The following LUZP1 variants were observed in gnomAD, a reference collection of about 807,000 sequenced individuals.
LUZP1 encodes the protein leucine zipper protein 1.
LUZP1 carries 25 observed loss-of-function variants against 71.3 expected under a neutral mutation model. The observed-to-expected ratio is 0.35, with a 90% CI of 0.26 to 0.49. The LOEUF (loss-of-function observed/expected upper bound fraction) is 0.49. Ranked by LOEUF, LUZP1 falls within the 20% of genes least tolerant of loss-of-function variation. The pLI is 0.99. For missense variants in LUZP1, 1,142 were observed against 1,300.8 expected (o/e 0.88, Z 1.88); for synonymous variants, 481 against 506.4 (o/e 0.95, Z 0.67).
At chr1:23,099,941 G>A (rs554122471) in intron 3 of LUZP1, among the ~76,000 whole-genome samples, 18 of 152,140 alleles carry the variant, frequency 1.2e-4, no homozygotes, top group Admixed American at 1.2e-3. Flanking sequence ...CTTCCCTCTG[G>A]TCCCTCACTA....
intron 2 of LUZP1, among the ~76,000 whole-genome samples, chr1:23,154,536 CTTCTTT>C (rs1644407343): frequency 6.7e-6 from 1 of 148,796 alleles, no homozygotes; most frequent in African/African-American, 2.5e-5. Context: ...AAGACCCTGT[CTTCTTT>C]TTCTTTTCTT....
intron 2 of LUZP1, among the ~76,000 whole-genome samples, chr1:23,151,919 T>A (rs568529476): frequency 6.6e-6 from 1 of 151,554 alleles, no homozygotes; most frequent in South Asian, 2.1e-4. Context: ...GGAGAATCGC[T>A]TGAACCCAGG....
intron 3 of LUZP1, among the ~76,000 whole-genome samples, chr1:23,099,677 A>G (rs547349117): frequency 6.6e-6 from 1 of 152,328 alleles, no homozygotes; most frequent in Admixed American, 6.5e-5. Flanking sequence ...TTTTAGTGCC[A>G]ATTTTATATG....
intron 1 of LUZP1, among the ~76,000 whole-genome samples, chr1:23,175,877 G>A (rs1267747549): frequency 2.0e-5 from 3 of 152,156 alleles, no homozygotes; most frequent in Non-Finnish European, 4.4e-5. Context: ...AGGAGCCAGA[G>A]AAGGCTTCCT....
chr1:23,091,182 G>C lies in LUZP1; in HGVS notation c.3072+8C>G, dbSNP rs375008675. 8.8e-6 allele frequency: 14 copies of C among 1,593,942 alleles called. No homozygotes were observed. The highest frequency in any genetic ancestry group is 1.2e-5 in the Non-Finnish European group (14 of 1,170,234). ...GAAAAGAGAGAGGGGAGAGAGGCTGGAACTCACCATGCTTGCTGAGTGGTT... is the reference window on the plus strand; with the variant it reads ...GAAAAGAGAGAGGGGAGAGAGGCTGCAACTCACCATGCTTGCTGAGTGGTT... On this transcript the variant is annotated splice_region_variant and intron_variant, in intron 4 of 4. Transcript: ENST00000302291.
intron 2 of LUZP1, among the ~76,000 whole-genome samples, chr1:23,139,436 AGATGGATTTT>A (rs901961277): frequency 2.0e-5 from 3 of 152,110 alleles, no homozygotes; most frequent in African/African-American, 7.2e-5. Flanking sequence ...GTCCATTTAC[AGATGGATTTT>A]CTTCTACCTT....
At chr1:23,174,909 G>A (rs921597462) in intron 1 of LUZP1, among the ~76,000 whole-genome samples, 1 of 151,922 alleles carries the variant, frequency 6.6e-6, no homozygotes, top group Admixed American at 6.6e-5. Flanking sequence ...CATGTTTCAG[G>A]GCAACCGTTA....
chr1:23,110,875 T>G (rs1344087362), intron 2 of LUZP1, among the ~76,000 whole-genome samples: 1 of 152,078 alleles, frequency 6.6e-6, no homozygotes, highest in Admixed American at 6.5e-5. Context: ...TCAAGCAATC[T>G]TCACACCTTG....
intron 2 of LUZP1, among the ~76,000 whole-genome samples, chr1:23,134,972 G>A (rs1644242777): frequency 6.6e-6 from 1 of 152,028 alleles, no homozygotes; most frequent in Admixed American, 6.6e-5. Context: ...TCTTCCTCAT[G>A]CTCTCCCTCC....
At chr1:23,164,485 C>A (rs1318306858) in intron 2 of LUZP1, among the ~76,000 whole-genome samples, 2 of 150,906 alleles carry the variant, frequency 1.3e-5, no homozygotes, top group East Asian at 1.9e-4. Context: ...CAGTGAGACA[C>A]CGTCTCAAAA....
rs749705357 is a variant in LUZP1, at chr1:23,091,547, A to G, written c.2715T>C (p.Ser905=). 5.6e-6 allele frequency: 9 copies of G among 1,614,082 alleles called. No homozygotes were observed. The African/African-American group carries it at 6.7e-5, about 12-fold the overall frequency. ...CTGAGAAGCCCACTTCTGAAGGGGCACTATGGCTTTTCCACCTGATTGTCT... is the reference window on the plus strand; with the variant it reads ...CTGAGAAGCCCACTTCTGAAGGGGCGCTATGGCTTTTCCACCTGATTGTCT... Residue 905 remains serine (S), a synonymous_variant, in exon 4 of 5, where the codon AGT becomes AGC. Coordinates refer to ENST00000302291, the Ensembl canonical transcript of LUZP1.
chr1:23,086,402 C>T (rs567476548), exon 5 of LUZP1: 7 of 152,758 alleles, frequency 4.6e-5, no homozygotes, highest in African/African-American at 1.7e-4. Context: ...GCAGCCCCAG[C>T]AAAAGGGCAT....
intron 1 of LUZP1, among the ~76,000 whole-genome samples, chr1:23,171,106 A>ATC (rs1278589034): frequency 6.9e-6 from 1 of 145,718 alleles, no homozygotes; most frequent in Non-Finnish European, 1.5e-5. Context: ...AAAAATATAT[A>ATC]TATATATATA....
chr1:23,142,726 C>T (rs865775660), intron 2 of LUZP1, among the ~76,000 whole-genome samples: 25,266 of 129,178 alleles, frequency 0.2, 2,346 homozygotes, highest in Middle Eastern at 0.31. Context: ...CACACACACA[C>T]ACACACACAC....
chr1:23,171,513 G>A (rs898521640), intron 1 of LUZP1, among the ~76,000 whole-genome samples: 1 of 152,124 alleles, frequency 6.6e-6, no homozygotes, highest in Non-Finnish European at 1.5e-5. Context: ...GTGTTAAACC[G>A]CCCTTGGCAT....
intron 2 of LUZP1, among the ~76,000 whole-genome samples, chr1:23,153,995 T>C (rs988940410): frequency 6.6e-6 from 1 of 152,084 alleles, no homozygotes; most frequent in African/African-American, 2.4e-5. Flanking sequence ...TACTCAGCAA[T>C]GTAAAGGAAT....
Position 23,093,707 on chromosome 1 carries a change from C to T in LUZP1, c.555G>A (p.Lys185=), listed in dbSNP as rs773908237. 1.2e-5 allele frequency: 19 copies of T among 1,613,614 alleles called. No individual in the cohort carries two copies. The highest frequency in any genetic ancestry group is 3.3e-5 in the Admixed American group (2 of 60,008). The change falls in exon 4 of 5, where the codon AAG becomes AAA. Residue 185 remains lysine (K), a synonymous_variant. Coordinates refer to ENST00000302291, the Ensembl canonical transcript of LUZP1. The surrounding 1 kb of genome is among the most constrained non-coding windows in gnomAD (Gnocchi z 4.2). ...CAAAGCTCAGAGTTAATGATTTCAG[C>T]TTTTCTAACTCTGACGCTAAACTCT...
chr1:23,110,357 GA>G (rs1184032451), intron 2 of LUZP1, among the ~76,000 whole-genome samples: 8 of 152,308 alleles, frequency 5.3e-5, no homozygotes, highest in Admixed American at 5.2e-4. Context: ...AGCTACTACA[GA>G]TGGAAGATCT....
intron 2 of LUZP1, among the ~76,000 whole-genome samples, chr1:23,146,692 C>T (rs797018545): frequency 5.3e-5 from 8 of 152,146 alleles, no homozygotes; most frequent in African/African-American, 1.7e-4. Context: ...GCTACTTGGG[C>T]GGTAGAGGTG....
Sources: allele counts gnomAD v4.1 joint callset (sites outside exome capture counted in the v4.1 genomes callset), GRCh38; gene constraint gnomAD v4.1.1; non-coding constraint Gnocchi (gnomAD v3.1); transcripts MANE v1.5; gene names NCBI Gene and HGNC (gene_info 2026-07-23, HGNC 2026-07-21).